The following MYOM1 variants were observed in gnomAD, a reference collection of about 807,000 sequenced individuals.
MYOM1 encodes myomesin 1, also known as myomesin-1.
MYOM1 carries 164 observed loss-of-function variants against 205.3 expected under a neutral mutation model. The ratio of observed to expected loss-of-function variants is 0.80; its 90% CI spans 0.70 to 0.91. The LOEUF is 0.91. MYOM1 is among the 40% of genes least tolerant of loss of function. The pLI is 0.00. For missense variants in MYOM1, 2,011 were observed against 2,127.3 expected, an observed-to-expected ratio of 0.95 and a Z score of 1.08; for synonymous variants, 772 against 789.4, an observed-to-expected ratio of 0.98 and a Z score of 0.37.
At chr18:3,083,423 T>C (rs1488454553) in intron 33 of MYOM1, among the ~76,000 whole-genome samples, 1 of 83,418 alleles carries the variant, frequency 1.2e-5, no homozygotes, top group Non-Finnish European at 2.4e-5. Flanking sequence ...TTCTTTTTCT[T>C]TTTCTTTTTT....
chr18:3,135,675 G>A lies in MYOM1; in HGVS notation c.2081C>T (p.Ser694Phe). 6.2e-7 allele frequency: 1 copy of A among 1,613,966 alleles called. No individual in the cohort carries two copies. The highest frequency in any genetic ancestry group is 8.5e-7 in the Non-Finnish European group (1 of 1,179,872). Residue 694 changes from serine (S) to phenylalanine (F), a missense_variant, in exon 15 of 38, where the codon TCT becomes TTT. Coordinates refer to ENST00000356443, the MANE Select transcript of MYOM1 (RefSeq NM_003803.4). This position sits in a 1 kb window ranked among gnomAD's most constrained non-coding sequence, Gnocchi z 4.1. ...CAAGTCAAACAGAGCAAAGCGGGGAGACTTCACAGGGAGCTCCGTGTTCAC... is the reference window on the plus strand; with the variant it reads ...CAAGTCAAACAGAGCAAAGCGGGGAAACTTCACAGGGAGCTCCGTGTTCAC... Reference protein sequence around the residue: ...QRVNTELPVKSPRFALFDLAE... With the variant: ...QRVNTELPVKFPRFALFDLAE...
In MYOM1 at chr18:3,174,167, A is replaced by G. The variant is rs1401592709; in HGVS notation, c.1064T>C (p.Met355Thr). 2 of 1,614,056 alleles carry G rather than the reference A, an allele frequency of 1.2e-6. No individual in the cohort carries two copies. Among genetic ancestry groups the G allele is most frequent in the African/African-American group, 1.3e-5 (1 of 75,066 alleles). ...EDTAQYRASA[M>T]NVKGELSAYA... ...TGCCGAAAGCTCTCCTTTAACATTC[A>G]TCGCCGAGGCCCGGTACTGAGCTGT... The change falls in exon 7 of 38, where the codon ATG becomes ACG. Residue 355 changes from methionine to threonine, a missense_variant. Met to Thr is a moderately conservative substitution (Grantham distance 81). Transcript: ENST00000356443.
Position 3,204,051 on chromosome 18 carries a change from T to A in MYOM1, c.291-10093A>T, listed in dbSNP as rs373074814. 3.3e-5 allele frequency among the ~76,000 whole-genome samples: 5 copies of A among 152,074 alleles called. No individual in the cohort carries two copies. In the East Asian group the frequency reaches 9.6e-4, roughly 29 times the overall value. ...ATGCAGAAAAAGCATTTGACAAAAGTCAGCATTCTTATTAATAACTCTCAA... is the reference window on the plus strand; with the variant it reads ...ATGCAGAAAAAGCATTTGACAAAAGACAGCATTCTTATTAATAACTCTCAA... On this transcript the variant is annotated intron_variant, in intron 2 of 37. Coordinates refer to ENST00000356443, the MANE Select transcript of MYOM1 (RefSeq NM_003803.4).
intron 2 of MYOM1, among the ~76,000 whole-genome samples, chr18:3,202,154 A>T (rs2081076934): frequency 6.6e-6 from 1 of 152,188 alleles, no homozygotes; most frequent in Non-Finnish European, 1.5e-5. Context: ...TAATATGTAT[A>T]TTGTAATTCC....
chr18:3,155,367 A>G (rs112465118), intron 10 of MYOM1, among the ~76,000 whole-genome samples: 2,234 of 152,128 alleles, frequency 0.015, 48 homozygotes, highest in African/African-American at 0.046. Flanking sequence ...GACTACAGGC[A>G]CCCGCCACCA....
At chr18:3,113,136 C>T (rs12957638) in intron 21 of MYOM1, among the ~76,000 whole-genome samples, 117,922 of 132,354 alleles carry the variant, frequency 0.89, 53,476 homozygotes, top group East Asian at 0.98. Context: ...AAAAAAAAAG[C>T]ATTTATAATT....
intron 3 of MYOM1, among the ~76,000 whole-genome samples, 197 bp downstream of exon 3, chr18:3,193,620 TC>T (rs1432476670): frequency 2.0e-5 from 3 of 152,156 alleles, no homozygotes; most frequent in African/African-American, 7.2e-5. Flanking sequence ...GTTCCCAGCT[TC>T]CTCAGATCTG....
At chr18:3,160,087 CCTT>C (rs1245975896) in intron 10 of MYOM1, among the ~76,000 whole-genome samples, 8 of 120,394 alleles carry the variant, frequency 6.6e-5, no homozygotes, top group South Asian at 2.8e-4. Context: ...TCCTCCTCCT[CCTT>C]CTTCTCCTCC....
At chr18:3,232,997 A>T in the MYOM1 span, among the ~76,000 whole-genome samples, 440 of 152,322 alleles carry the variant, frequency 2.9e-3, 6 homozygotes, top group African/African-American at 0.01. Flanking sequence ...TAAGGCATGC[A>T]CCCTAATGAG....
At chr18:3,157,136 C>T (rs540705305) in intron 10 of MYOM1, among the ~76,000 whole-genome samples, 1 of 152,286 alleles carries the variant, frequency 6.6e-6, no homozygotes, top group South Asian at 2.1e-4. Context: ...GGAGCCCCTG[C>T]ATTGATAGAG....
chr18:3,088,259 G>A (rs2079179187), intron 29 of MYOM1, among the ~76,000 whole-genome samples: 1 of 152,132 alleles, frequency 6.6e-6, no homozygotes, highest in Non-Finnish European at 1.5e-5. Flanking sequence ...CTTATAGGGA[G>A]GGGCCACGCA....
At chr18:3,075,648 T>C (rs766180983) in intron 35 of MYOM1, 77 bp downstream of exon 35, 1 of 1,508,786 alleles carries the variant, frequency 6.6e-7, no homozygotes, top group African/African-American at 1.4e-5. Flanking sequence ...TTTCTAACAC[T>C]CAGAGGGGCG....
At chr18:3,190,764 C>T (rs1207488200) in intron 3 of MYOM1, among the ~76,000 whole-genome samples, 1 of 152,094 alleles carries the variant, frequency 6.6e-6, no homozygotes, top group Non-Finnish European at 1.5e-5. Flanking sequence ...AGTCAATATG[C>T]AATAGGGAGA....
chr18:3,136,220 T>A (rs1260973798), intron 14 of MYOM1, among the ~76,000 whole-genome samples: 1 of 152,044 alleles, frequency 6.6e-6, no homozygotes, highest in Non-Finnish European at 1.5e-5. Flanking sequence ...TTAAACCTCT[T>A]TTTCTTTATA....
chr18:3,162,205 A>G (rs557358913), intron 10 of MYOM1, among the ~76,000 whole-genome samples: 1 of 152,278 alleles, frequency 6.6e-6, no homozygotes, highest in East Asian at 1.9e-4. Flanking sequence ...GAGGCGAGCC[A>G]ATTCTTAGGG....
At chr18:3,096,718 T>G (rs1236208255) in intron 25 of MYOM1, among the ~76,000 whole-genome samples, 1 of 152,160 alleles carries the variant, frequency 6.6e-6, no homozygotes, top group African/African-American at 2.4e-5. Flanking sequence ...ATATAGTGCA[T>G]GTATACAAGA....
At chr18:3,165,562 T>C (rs977978854) in intron 9 of MYOM1, among the ~76,000 whole-genome samples, 6 of 152,244 alleles carry the variant, frequency 3.9e-5, no homozygotes, top group Non-Finnish European at 7.3e-5. Flanking sequence ...TCAAACCTCC[T>C]TGAAGAATTC....
chr18:3,135,703 G>A lies in MYOM1; in HGVS notation c.2053C>T (p.Arg685Ter), dbSNP rs1475217854. ...TTCACAGGGAGCTCCGTGTTCACTC[G>A]CTGCCAGTTTTCTGTTCCTGCCTCA... is the stretch of plus-strand genomic sequence containing the variant. ...KCEAGTENWQ[R>*]VNTELPVKSP... Residue 685 changes from arginine (R) to a stop codon, truncating the protein, a stop_gained, in exon 15 of 38, where the codon CGA (arginine) becomes TGA (stop). Transcript: ENST00000356443. LOFTEE classifies it high-confidence loss of function. This position sits in a 1 kb window ranked among gnomAD's most constrained non-coding sequence, Gnocchi z 4.1. The A allele has an allele frequency of 3.1e-6, 5 of 1,613,802 alleles. No homozygotes were observed. The highest frequency in any genetic ancestry group is 1.3e-5 in the African/African-American group (1 of 74,984).
intron 22 of MYOM1, among the ~76,000 whole-genome samples, chr18:3,105,339 T>G (rs143195101): frequency 6.6e-6 from 1 of 152,274 alleles, no homozygotes; most frequent in East Asian, 1.9e-4. Context: ...AAAAGGTAAA[T>G]AAGATTCAGT....
Sources: gnomAD v4.1 joint callset for allele counts (sites outside exome capture counted in the v4.1 genomes callset) on GRCh38, gnomAD v4.1.1 for gene constraint, Gnocchi (gnomAD v3.1) non-coding constraint, MANE v1.5 for transcripts, NCBI Gene and HGNC (gene_info 2026-07-23, HGNC 2026-07-21) for gene names.